Variants in ANK2 observed in about 807,000 individuals in gnomAD.
The protein encoded by ANK2 is ankyrin-2.
In ANK2, 83 loss-of-function variants were observed where a neutral mutation model predicts 360.5. The observed-to-expected ratio is 0.23, with a 90% CI of 0.19 to 0.28. The LOEUF (loss-of-function observed/expected upper bound fraction) is 0.28, where lower values mean the gene tolerates loss of function less well. Among genes scored for constraint, ANK2 ranks in the 10% least tolerant of loss-of-function variants. The pLI is 1.00. For missense variants in ANK2, 4,201 were observed against 4,795.7 expected (o/e 0.88, Z 3.66); for synonymous variants, 1,740 against 1,759.5 (o/e 0.99, Z 0.28).
intron 2 of ANK2, among the ~76,000 whole-genome samples, chr4:112,913,651 A>G (rs918625514): frequency 1.9e-4 from 29 of 152,130 alleles, no homozygotes; most frequent in African/African-American, 7.0e-4. Flanking sequence ...TCTTTCCCTC[A>G]TTTGTACAAA....
chr4:112,949,323 T>G (rs532656163), intron 2 of ANK2, among the ~76,000 whole-genome samples: 1 of 152,294 alleles, frequency 6.6e-6, no homozygotes, highest in South Asian at 2.1e-4. Context: ...CCTAAAATTT[T>G]CTGTAAATAA....
intron 2 of ANK2, among the ~76,000 whole-genome samples, chr4:112,909,741 T>G (rs1457919976): frequency 6.6e-6 from 1 of 152,208 alleles, no homozygotes; most frequent in East Asian, 1.9e-4. Context: ...TGGAACCAAT[T>G]CCTTATTTTG....
At position 113,235,463 on chromosome 4, in the gene ANK2, G is replaced by A. The variant is rs142251387; in HGVS notation, c.484-1524G>A. On this transcript the variant is annotated intron_variant, in intron 5 of 45. Coordinates refer to ENST00000357077, the MANE Select transcript of ANK2 (RefSeq NM_001148.6). ...CAGTGACTTTAAAAAAATTATTTTC[G>A]GAAAAAAATGGAGTAGTTAAATTGT... Among the ~76,000 whole-genome samples, 506 of 152,028 alleles carry A rather than the reference G, an allele frequency of 3.3e-3. 4 individuals carry two copies. Among genetic ancestry groups the A allele is most frequent in the African/African-American group, 0.01 (425 of 41,476 alleles).
intron 1 of ANK2, among the ~76,000 whole-genome samples, chr4:113,059,296 A>T (rs2071865746): frequency 6.6e-6 from 1 of 152,174 alleles, no homozygotes; most frequent in African/African-American, 2.4e-5. Flanking sequence ...TTTTCTGTAA[A>T]GTTGACACAG....
chr4:112,772,440 G>GT, the ANK2 span, among the ~76,000 whole-genome samples: 1 of 152,156 alleles, frequency 6.6e-6, no homozygotes, highest in Non-Finnish European at 1.5e-5. Context: ...TGAGATTTGA[G>GT]TGGGAACACA....
intron 2 of ANK2, among the ~76,000 whole-genome samples, chr4:112,972,721 C>G (rs1409072694): frequency 6.6e-6 from 1 of 152,154 alleles, no homozygotes; most frequent in Non-Finnish European, 1.5e-5. Context: ...CATGCACACA[C>G]ATGTTTATAG....
intron 2 of ANK2, among the ~76,000 whole-genome samples, chr4:112,926,477 C>T (rs1266113357): frequency 1.3e-5 from 2 of 152,130 alleles, no homozygotes; most frequent in African/African-American, 2.4e-5. Context: ...TCAATTATGT[C>T]AGCATAAATT....
intron 1 of ANK2, among the ~76,000 whole-genome samples, chr4:113,147,019 G>C (rs567508316): frequency 4.6e-5 from 7 of 152,210 alleles, no homozygotes; most frequent in South Asian, 2.1e-4. Flanking sequence ...CTGAAACTCT[G>C]TCAGACCATA....
intron 2 of ANK2, among the ~76,000 whole-genome samples, chr4:112,957,719 G>A (rs1351049293): frequency 1.3e-4 from 19 of 150,554 alleles, no homozygotes; most frequent in East Asian, 3.9e-4. Context: ...CCTCCCGGAC[G>A]GGGTGGCTGC....
the ANK2 span, among the ~76,000 whole-genome samples, chr4:112,760,535 T>C: frequency 3.4e-4 from 51 of 151,696 alleles, no homozygotes; most frequent in African/African-American, 1.1e-3. Context: ...TTTTTTTTTC[T>C]ATTTTTTAAT....
At chr4:113,264,748 A>G (rs1053049783) in intron 13 of ANK2, 149 bp from the exon 14 acceptor site, 40 of 768,610 alleles carry the variant, frequency 5.2e-5, no homozygotes, top group Middle Eastern at 2.5e-4. Flanking sequence ...ATACAAATCT[A>G]TATTTTCCAG....
chr4:113,261,162 C>T (rs995064114), intron 13 of ANK2, among the ~76,000 whole-genome samples: 2 of 152,070 alleles, frequency 1.3e-5, no homozygotes, highest in African/African-American at 4.8e-5. Context: ...TGAGGTGTAC[C>T]AGTAACTCAA....
chr4:113,172,602 G>A (rs2098021280), intron 1 of ANK2, among the ~76,000 whole-genome samples: 1 of 152,054 alleles, frequency 6.6e-6, no homozygotes, highest in Non-Finnish European at 1.5e-5. Flanking sequence ...CTCAGTAAAT[G>A]TTACCTATAA....
At chr4:113,033,535 G>A (rs1194024438) in intron 2 of ANK2, among the ~76,000 whole-genome samples, 1 of 151,898 alleles carries the variant, frequency 6.6e-6, no homozygotes, top group Non-Finnish European at 1.5e-5. Context: ...CACATGCCTA[G>A]TTATATCTTT....
At chr4:112,793,035 T>G in the ANK2 span, among the ~76,000 whole-genome samples, 1 of 152,146 alleles carries the variant, frequency 6.6e-6, no homozygotes, top group Non-Finnish European at 1.5e-5. Context: ...CGATCCAAAA[T>G]TTTAAAATAA....
chr4:112,784,362 T>C, the ANK2 span, among the ~76,000 whole-genome samples: 3,876 of 145,394 alleles, frequency 0.027, 142 homozygotes, highest in African/African-American at 0.069. Flanking sequence ...TTTTTTTTTT[T>C]TTTTTTTTTT....
At position 113,082,187 on chromosome 4, in the gene ANK2, T is replaced by C. The variant is rs570363070; in HGVS notation, c.84+32375T>C. 5.7e-4 allele frequency among the ~76,000 whole-genome samples: 87 copies of C among 152,334 alleles called. 1 individual carries two copies. The highest frequency in any genetic ancestry group is 8.2e-4 in the Non-Finnish European group (56 of 68,022). ...AGGTAATACTACTTACCAAATTACATTTTTAGCTTGGAACTGAATTTGCAT... is the reference window on the plus strand; with the variant it reads ...AGGTAATACTACTTACCAAATTACACTTTTAGCTTGGAACTGAATTTGCAT... On this transcript the variant is annotated intron_variant, in intron 1 of 45. Transcript: ENST00000357077.
rs528334340 is a variant in ANK2 at position 113,208,945 on chromosome 4, G to A, written c.384+9836G>A. The stretch of plus-strand genomic sequence containing the variant: ...TAAAGCAGTGGACTCGAATGAGACT[G>A]CCGGAGCAGTAAAGACAGTGAAGAG... On this transcript the variant is annotated intron_variant, in intron 4 of 45. Transcript: ENST00000357077. Among the ~76,000 whole-genome samples the A allele has an allele frequency of 1.4e-4, 22 of 152,056 alleles. No individual in the cohort carries two copies. In the South Asian group the frequency reaches 4.4e-3, roughly 30 times the overall value.
chr4:113,366,663 C>T (rs973880211), intron 41 of ANK2, among the ~76,000 whole-genome samples: 3 of 152,078 alleles, frequency 2.0e-5, no homozygotes, highest in African/African-American at 7.2e-5. Context: ...TCAACATATA[C>T]CTTTTTCTCT....
Sources: gnomAD v4.1 joint callset for allele counts (sites outside exome capture counted in the v4.1 genomes callset) on GRCh38, gnomAD v4.1.1 for gene constraint, MANE v1.5 for transcripts, NCBI Gene and HGNC (gene_info 2026-07-23, HGNC 2026-07-21) for gene names.